The following HCRTR2 variants were observed in gnomAD, a reference collection of about 807,000 sequenced individuals.
HCRTR2 encodes hypocretin receptor 2, also known as orexin receptor type 2.
Under a neutral mutation model 49.0 loss-of-function variants are expected in HCRTR2, and 22 were observed. That is an observed-to-expected ratio of 0.45 (90% CI 0.32 to 0.64). HCRTR2 has a LOEUF of 0.64. Among genes scored for constraint, HCRTR2 ranks in the 30% least tolerant of loss-of-function variants. The pLI, the probability that HCRTR2 is intolerant of heterozygous loss-of-function variation, is 0.04. For missense variants in HCRTR2, 491 were observed against 559.4 expected (o/e 0.88, Z 1.23); for synonymous variants, 236 against 205.3 (o/e 1.15, Z -1.28).
chr6:55,273,114 C>T (rs1767005565), intron 4 of HCRTR2, among the ~76,000 whole-genome samples: 1 of 151,926 alleles, frequency 6.6e-6, no homozygotes, highest in Non-Finnish European at 1.5e-5. Flanking sequence ...CTGAGGTAAA[C>T]AAAAAGTGTC....
intron 1 of HCRTR2, among the ~76,000 whole-genome samples, chr6:55,135,362 C>T (rs1764419327): frequency 1.3e-5 from 2 of 152,048 alleles, no homozygotes; most frequent in Non-Finnish European, 2.9e-5. Context: ...TGAAAAGAAA[C>T]ACAAATCTAA....
In HCRTR2 at chr6:55,214,891, T is replaced by G. The variant is rs151196968; in HGVS notation, c.224-33748T>G. Among the ~76,000 whole-genome samples the G allele has an allele frequency of 4.5e-4, 68 of 151,952 alleles. No homozygotes were observed. In the East Asian group the frequency reaches 0.013, roughly 29 times the overall value. On this transcript the variant is annotated intron_variant, in intron 1 of 6. Transcript: ENST00000370862. The stretch of plus-strand genomic sequence containing the variant: ...TTGAAGATGGGTCATTTGTAATTAT[T>G]CAGTCAGAGAAACAAAAAGAAGACT...
At chr6:55,168,115 A>C (rs575534431) in intron 1 of HCRTR2, among the ~76,000 whole-genome samples, 1 of 152,322 alleles carries the variant, frequency 6.6e-6, no homozygotes. Flanking sequence ...CTAAATGCAA[A>C]GTGCATGCTA....
At chr6:55,125,923 G>T (rs1251336221) in intron 1 of HCRTR2, among the ~76,000 whole-genome samples, 1 of 151,904 alleles carries the variant, frequency 6.6e-6, no homozygotes, top group Non-Finnish European at 1.5e-5. Flanking sequence ...TGATACCTGT[G>T]TATGCTTCAC....
intron 1 of HCRTR2, among the ~76,000 whole-genome samples, chr6:55,231,275 A>C (rs922404817): frequency 1.1e-4 from 17 of 152,136 alleles, no homozygotes; most frequent in Non-Finnish European, 1.9e-4. Flanking sequence ...GACCAGAAAA[A>C]ATTTCAATAT....
At chr6:55,164,533 C>A (rs1318765371) in intron 1 of HCRTR2, among the ~76,000 whole-genome samples, 1 of 152,070 alleles carries the variant, frequency 6.6e-6, no homozygotes, top group Non-Finnish European at 1.5e-5. Flanking sequence ...ATCAGAAAAC[C>A]AAACACCACA....
At chr6:55,192,523 AG>A (rs1765337490) in intron 1 of HCRTR2, among the ~76,000 whole-genome samples, 1 of 152,156 alleles carries the variant, frequency 6.6e-6, no homozygotes, top group African/African-American at 2.4e-5. Flanking sequence ...CAGGAAGTCG[AG>A]GCTACAGTGA....
chr6:55,252,579 G>A (rs1022501290), intron 2 of HCRTR2, among the ~76,000 whole-genome samples: 1 of 152,044 alleles, frequency 6.6e-6, no homozygotes, highest in Non-Finnish European at 1.5e-5. Flanking sequence ...TATTTGCAGA[G>A]AAGGAATGGA....
chr6:55,193,262 T>C (rs1765351971), intron 1 of HCRTR2, among the ~76,000 whole-genome samples: 1 of 152,132 alleles, frequency 6.6e-6, no homozygotes, highest in African/African-American at 2.4e-5. Flanking sequence ...TAAAACACAG[T>C]GTAGTGTTTA....
intron 3 of HCRTR2, among the ~76,000 whole-genome samples, chr6:55,263,181 AT>A (rs1217834346): frequency 1.3e-5 from 2 of 151,950 alleles, no homozygotes; most frequent in African/African-American, 2.4e-5. Flanking sequence ...AGTTTTCAAA[AT>A]TTTTTTCACA....
chr6:55,259,838 T>G (rs1766721669), intron 3 of HCRTR2, among the ~76,000 whole-genome samples: 1 of 152,134 alleles, frequency 6.6e-6, no homozygotes, highest in South Asian at 2.1e-4. Context: ...TTGAAGACAT[T>G]GCTTATGAAG....
intron 1 of HCRTR2, among the ~76,000 whole-genome samples, chr6:55,209,217 C>A (rs988632495): frequency 2.0e-5 from 3 of 152,066 alleles, no homozygotes; most frequent in African/African-American, 7.2e-5. Context: ...AATTCAAGAA[C>A]TAGTGAGTCA....
chr6:55,116,764 C>T (rs1187120411), intron 1 of HCRTR2, among the ~76,000 whole-genome samples: 3 of 149,818 alleles, frequency 2.0e-5, no homozygotes, highest in Non-Finnish European at 4.4e-5. Context: ...GAAGCCTCTC[C>T]TCAAAGGTCA....
At chr6:55,143,102 G>A (rs1764531680) in intron 1 of HCRTR2, among the ~76,000 whole-genome samples, 1 of 150,994 alleles carries the variant, frequency 6.6e-6, no homozygotes, top group South Asian at 2.1e-4. Flanking sequence ...TAAACTATTT[G>A]GCAAAATGTG....
At chr6:55,180,655 A>G (rs1367603020) in intron 1 of HCRTR2, among the ~76,000 whole-genome samples, 1 of 152,212 alleles carries the variant, frequency 6.6e-6, no homozygotes, top group Non-Finnish European at 1.5e-5. Flanking sequence ...TTTAGACACA[A>G]TTTGAGCCTG....
intron 3 of HCRTR2, among the ~76,000 whole-genome samples, chr6:55,259,278 A>G (rs1309637069): frequency 6.6e-6 from 1 of 151,996 alleles, no homozygotes; most frequent in Non-Finnish European, 1.5e-5. Flanking sequence ...CATCTGGCCT[A>G]TTATGAGGTT....
chr6:55,125,455 G>A (rs1270086665), intron 1 of HCRTR2, among the ~76,000 whole-genome samples: 1 of 152,166 alleles, frequency 6.6e-6, no homozygotes, highest in Admixed American at 6.5e-5. Context: ...CTGTCTTCTG[G>A]CTTGTAGGGT....
intron 1 of HCRTR2, among the ~76,000 whole-genome samples, chr6:55,142,931 G>A (rs541470449): frequency 6.6e-6 from 1 of 151,562 alleles, no homozygotes; most frequent in East Asian, 1.9e-4. Flanking sequence ...CTCAGAATTT[G>A]GGCACAATCT....
chr6:55,164,649 A>C (rs1449709874), intron 1 of HCRTR2, among the ~76,000 whole-genome samples: 1 of 152,172 alleles, frequency 6.6e-6, no homozygotes, highest in Non-Finnish European at 1.5e-5. Context: ...GGGGAGGGAT[A>C]ACATTAGGAG....
Sources: gnomAD v4.1 joint callset for allele counts (sites outside exome capture counted in the v4.1 genomes callset) on GRCh38, gnomAD v4.1.1 for gene constraint, MANE v1.5 for transcripts, NCBI Gene and HGNC (gene_info 2026-07-23, HGNC 2026-07-21) for gene names.